PLXDC2: variants seen among roughly 807,000 people sequenced by gnomAD.
PLXDC2 encodes plexin domain containing 2.
Under a neutral mutation model 68.9 loss-of-function variants are expected in PLXDC2, and 40 were observed. That is an observed-to-expected ratio of 0.58 (90% CI 0.45 to 0.76). The LOEUF (loss-of-function observed/expected upper bound fraction) is 0.76, where lower values mean the gene tolerates loss of function less well. PLXDC2 is among the 30% of genes least tolerant of loss of function. The probability of loss-of-function intolerance (pLI) is 0.00; values close to 1 mark genes in which losing one functional copy is unlikely to be tolerated. For missense variants in PLXDC2, 644 were observed against 661.9 expected (o/e 0.97, Z 0.30); for synonymous variants, 243 against 234.2 (o/e 1.04, Z -0.34).
At chr10:20,171,702 G>A (rs1203619924) in intron 7 of PLXDC2, among the ~76,000 whole-genome samples, 2 of 151,916 alleles carry the variant, frequency 1.3e-5, no homozygotes, top group African/African-American at 2.4e-5. Context: ...TTATGAACAG[G>A]GAAGGCTTTC....
chr10:20,234,379 C>T (rs140771227), intron 12 of PLXDC2, among the ~76,000 whole-genome samples: 7 of 152,226 alleles, frequency 4.6e-5, no homozygotes, highest in East Asian at 3.9e-4. Context: ...CTTGGTGCTG[C>T]GGTAGCTAAG....
At chr10:20,004,064 G>A (rs887999739) in intron 2 of PLXDC2, among the ~76,000 whole-genome samples, 3 of 152,064 alleles carry the variant, frequency 2.0e-5, no homozygotes, top group African/African-American at 4.8e-5. Context: ...CACAATCCCT[G>A]AAATACTCAT....
At chr10:20,004,187 G>T (rs1834987853) in intron 2 of PLXDC2, among the ~76,000 whole-genome samples, 2 of 152,196 alleles carry the variant, frequency 1.3e-5, no homozygotes, top group African/African-American at 4.8e-5. Flanking sequence ...AAGATCTGAA[G>T]TATAGGCTGT....
intron 10 of PLXDC2, among the ~76,000 whole-genome samples, chr10:20,213,986 T>A (rs1202652666): frequency 6.6e-6 from 1 of 152,128 alleles, no homozygotes; most frequent in Non-Finnish European, 1.5e-5. Context: ...TCTTCAGATG[T>A]ATTTACCGGT....
At chr10:20,002,576 AG>A (rs1834961786) in intron 2 of PLXDC2, among the ~76,000 whole-genome samples, 1 of 152,146 alleles carries the variant, frequency 6.6e-6, no homozygotes, top group African/African-American at 2.4e-5. Context: ...ACAGCATCTA[AG>A]TGCCATAAGC....
At chr10:20,188,940 T>A (rs958649365) in intron 9 of PLXDC2, among the ~76,000 whole-genome samples, 4 of 151,746 alleles carry the variant, frequency 2.6e-5, no homozygotes, top group African/African-American at 9.7e-5. Flanking sequence ...TGGTTGTTTT[T>A]AGCTTACAAT....
chr10:20,057,331 A>G (rs1376248154), intron 3 of PLXDC2, among the ~76,000 whole-genome samples: 2 of 152,142 alleles, frequency 1.3e-5, no homozygotes, highest in African/African-American at 4.8e-5. Context: ...GTGTTTGAGG[A>G]TTGAGTTTTC....
chr10:20,065,502 G>A (rs1326977916), intron 3 of PLXDC2, among the ~76,000 whole-genome samples: 1 of 152,144 alleles, frequency 6.6e-6, no homozygotes, highest in Non-Finnish European at 1.5e-5. Context: ...GAGGGTAGGA[G>A]GGGATGGTTT....
chr10:20,223,620 C>G (rs1049620877), intron 12 of PLXDC2, among the ~76,000 whole-genome samples: 1 of 152,042 alleles, frequency 6.6e-6, no homozygotes, highest in Admixed American at 6.6e-5. Flanking sequence ...GCCTAGATCT[C>G]TTACAATCAA....
chr10:20,205,599 A>T (rs1834980601), intron 9 of PLXDC2, among the ~76,000 whole-genome samples: 1 of 152,042 alleles, frequency 6.6e-6, no homozygotes, highest in South Asian at 2.1e-4. Flanking sequence ...ACTCCTAAAC[A>T]TTTTCTAAAT....
chr10:20,137,538 A>G (rs753473673), intron 4 of PLXDC2, among the ~76,000 whole-genome samples: 6 of 152,268 alleles, frequency 3.9e-5, no homozygotes, highest in Non-Finnish European at 8.8e-5. Context: ...CTTTGGTATT[A>G]CACTAAAAGT....
chr10:20,139,315 C>T (rs1408564894), intron 4 of PLXDC2, among the ~76,000 whole-genome samples: 1 of 152,192 alleles, frequency 6.6e-6, no homozygotes, highest in East Asian at 1.9e-4. Flanking sequence ...ATGTTTGCTT[C>T]TCTTACTTGA....
chr10:20,159,563 A>C (rs543497262), intron 6 of PLXDC2, among the ~76,000 whole-genome samples: 1 of 152,126 alleles, frequency 6.6e-6, no homozygotes, highest in Admixed American at 6.6e-5. Flanking sequence ...AGCCAGCGTG[A>C]TATTTTTCCA....
chr10:19,896,971 T>G (rs996029485), intron 1 of PLXDC2, among the ~76,000 whole-genome samples: 1 of 152,200 alleles, frequency 6.6e-6, no homozygotes, highest in African/African-American at 2.4e-5. Flanking sequence ...GATTATTGTC[T>G]TACTCCCTAT....
chr10:20,120,417 C>T (rs1373687040), intron 4 of PLXDC2, among the ~76,000 whole-genome samples: 4 of 152,026 alleles, frequency 2.6e-5, no homozygotes, highest in East Asian at 3.9e-4. Flanking sequence ...GATGGAGGAC[C>T]ATAAGGGATA....
intron 2 of PLXDC2, among the ~76,000 whole-genome samples, chr10:20,042,392 G>A (rs756222001): frequency 4.8e-4 from 73 of 151,974 alleles, no homozygotes; most frequent in Non-Finnish European, 8.2e-4. Flanking sequence ...CTCTTATAAG[G>A]ATGCAATATA....
At position 20,168,280 on chromosome 10, in the gene PLXDC2, A is replaced by T. The variant is rs144088911; in HGVS notation, c.883+3713A>T. Among the ~76,000 whole-genome samples the T allele has an allele frequency of 4.1e-3, 621 of 152,322 alleles. 4 individuals carry two copies. The highest frequency in any genetic ancestry group is 0.014 in the African/African-American group (575 of 41,592). Reference sequence around the variant, plus strand: ...ATTTCTGTAACTTTCTTTCTATATAAAATGAGCATCTTAGTACCTAAAAAT... The same window carrying T: ...ATTTCTGTAACTTTCTTTCTATATATAATGAGCATCTTAGTACCTAAAAAT... On this transcript the variant is annotated intron_variant, in intron 7 of 13. Transcript: ENST00000377252.
chr10:20,193,310 G>A (rs1834793668), intron 9 of PLXDC2, among the ~76,000 whole-genome samples: 1 of 151,772 alleles, frequency 6.6e-6, no homozygotes, highest in South Asian at 2.1e-4. Flanking sequence ...TGATTAATGG[G>A]AAAAAAAGTC....
At chr10:19,874,463 T>A (rs889973296) in intron 1 of PLXDC2, among the ~76,000 whole-genome samples, 1 of 152,190 alleles carries the variant, frequency 6.6e-6, no homozygotes, top group African/African-American at 2.4e-5. Context: ...GGTCATTGAC[T>A]CTCAATCTTG....
Sources: allele counts gnomAD v4.1 joint callset (sites outside exome capture counted in the v4.1 genomes callset), GRCh38; gene constraint gnomAD v4.1.1; transcripts MANE v1.5; gene names NCBI Gene and HGNC (gene_info 2026-07-23, HGNC 2026-07-21).